CNTN4: variants seen among roughly 807,000 people sequenced by gnomAD.
CNTN4 encodes contactin-4.
CNTN4 carries 77 observed loss-of-function variants against 122.5 expected under a neutral mutation model. That is an observed-to-expected ratio of 0.63 (90% CI 0.52 to 0.76). The LOEUF is 0.76. Among genes scored for constraint, CNTN4 ranks in the 30% least tolerant of loss-of-function variants. CNTN4 has a pLI of 0.00. For synonymous variants in CNTN4, 512 were observed against 447.0 expected, an observed-to-expected ratio of 1.15 and a Z score of -1.83; for missense variants, 1,256 against 1,259.1, an observed-to-expected ratio of 1.00 and a Z score of 0.04.
intron 4 of CNTN4, among the ~76,000 whole-genome samples, chr3:2,684,474 G>C (rs2085330080): frequency 6.6e-6 from 1 of 152,100 alleles, no homozygotes; most frequent in South Asian, 2.1e-4. Flanking sequence ...CCAATGACCA[G>C]TTTTGTCTGT....
chr3:2,150,122 T>C (rs1478033882), intron 2 of CNTN4, among the ~76,000 whole-genome samples: 3 of 152,224 alleles, frequency 2.0e-5, no homozygotes, highest in Non-Finnish European at 2.9e-5. Flanking sequence ...TTCAGTAAAC[T>C]GATGTTATCC....
chr3:2,164,101 A>G (rs567772035), intron 2 of CNTN4, among the ~76,000 whole-genome samples: 30 of 152,292 alleles, frequency 2.0e-4, no homozygotes, highest in African/African-American at 6.5e-4. Flanking sequence ...GAGTGCACCA[A>G]AATCCCAGAA....
At chr3:2,485,565 G>T (rs1311449899) in intron 3 of CNTN4, among the ~76,000 whole-genome samples, 22 of 152,120 alleles carry the variant, frequency 1.4e-4, no homozygotes. Flanking sequence ...TCGGCACTCT[G>T]TGTCTAGTTC....
chr3:3,031,852 C>T (rs376149404), intron 16 of CNTN4, among the ~76,000 whole-genome samples: 10 of 152,042 alleles, frequency 6.6e-5, no homozygotes, highest in East Asian at 5.8e-4. Context: ...CATCTTTGGC[C>T]GGCTGGCAGA....
At chr3:2,238,745 T>TTTTTTTTTTTTTTTTTTTTTC (rs1553606665) in intron 2 of CNTN4, 1 of 109,152 alleles carries the variant, frequency 9.2e-6, no homozygotes, top group Non-Finnish European at 1.9e-5. Context: ...GTTTTTTTTT[T>TTTTTTTTTTTTTTTTTTTTTC]GAGACGGAGT....
intron 2 of CNTN4, chr3:2,238,799 C>A (rs2039790763): frequency 9.3e-6 from 1 of 107,974 alleles, no homozygotes; most frequent in Non-Finnish European, 2.0e-5. Flanking sequence ...GCCATCTCGG[C>A]TCACTGCAAG....
intron 2 of CNTN4, among the ~76,000 whole-genome samples, chr3:2,163,709 G>A (rs900519969): frequency 6.6e-6 from 1 of 151,610 alleles, no homozygotes; most frequent in African/African-American, 2.4e-5. Flanking sequence ...ATTCACAAAT[G>A]GAGATACACA....
chr3:2,171,731 C>T (rs766837552), intron 2 of CNTN4, among the ~76,000 whole-genome samples: 1 of 152,138 alleles, frequency 6.6e-6, no homozygotes, highest in Non-Finnish European at 1.5e-5. Context: ...ACATAGTCTC[C>T]AGTCACATCA....
chr3:2,887,314 G>C, intron 10 of CNTN4, 90 bp downstream of exon 10: 1 of 1,203,136 alleles, frequency 8.3e-7, no homozygotes, highest in Non-Finnish European at 1.2e-6. Context: ...GGCATTTTGG[G>C]AGAGATGGTG....
At chr3:2,466,353 G>A (rs565425685) in intron 3 of CNTN4, among the ~76,000 whole-genome samples, 1 of 152,146 alleles carries the variant, frequency 6.6e-6, no homozygotes, top group Non-Finnish European at 1.5e-5. Flanking sequence ...GAAACAAAAC[G>A]TAAGTGTTTG....
At chr3:2,513,856 C>T (rs1221842132) in intron 3 of CNTN4, among the ~76,000 whole-genome samples, 1 of 151,990 alleles carries the variant, frequency 6.6e-6, no homozygotes, top group African/African-American at 2.4e-5. Context: ...GCCAGATATA[C>T]CTTGTAAGAG....
chr3:2,571,480 T>G lies in CNTN4; in HGVS notation c.-24T>G. 2 of 1,595,936 alleles carry G rather than the reference T, an allele frequency of 1.3e-6. No individual in the cohort carries two copies. Among genetic ancestry groups the G allele is most frequent in the Non-Finnish European group, 1.7e-6 (2 of 1,163,520 alleles). The stretch of plus-strand genomic sequence containing the variant: ...ATTCGCTTGTTATTGGACTTGAAAC[T>G]CCCTTTGACCTCGGAAACTGAAGAT... On this transcript the variant is annotated 5_prime_UTR_variant, in exon 4 of 25. Transcript: ENST00000418658.
chr3:2,362,098 A>G (rs887643831), intron 3 of CNTN4, among the ~76,000 whole-genome samples: 32 of 152,214 alleles, frequency 2.1e-4, no homozygotes, highest in Non-Finnish European at 5.9e-5. Context: ...GTGCATTCAA[A>G]AAACTGTAAG....
At chr3:2,520,512 G>A (rs528015561) in intron 3 of CNTN4, among the ~76,000 whole-genome samples, 38 of 151,934 alleles carry the variant, frequency 2.5e-4, no homozygotes, top group Non-Finnish European at 5.2e-4. Context: ...GACCTCTGGT[G>A]ATCCACCTAC....
At chr3:2,312,193 C>G (rs1291319938) in intron 2 of CNTN4, among the ~76,000 whole-genome samples, 3 of 151,816 alleles carry the variant, frequency 2.0e-5, no homozygotes, top group Non-Finnish European at 4.4e-5. Context: ...CCTCGTGAGG[C>G]CAAACATATT....
intron 6 of CNTN4, among the ~76,000 whole-genome samples, chr3:2,810,486 A>G (rs2092578869): frequency 1.3e-5 from 2 of 152,188 alleles, no homozygotes; most frequent in Non-Finnish European, 2.9e-5. Flanking sequence ...AATAACCTCC[A>G]ATTTTGCTAA....
intron 3 of CNTN4, among the ~76,000 whole-genome samples, chr3:2,532,469 G>A (rs1459136735): frequency 6.6e-6 from 1 of 151,992 alleles, no homozygotes; most frequent in Admixed American, 6.6e-5. Flanking sequence ...CAAAATGTTT[G>A]TACTAGGAAC....
intron 6 of CNTN4, among the ~76,000 whole-genome samples, chr3:2,789,678 G>T (rs1032441058): frequency 6.6e-6 from 1 of 152,214 alleles, no homozygotes; most frequent in Non-Finnish European, 1.5e-5. Flanking sequence ...TGATCCACCT[G>T]CCTTGGCCTC....
chr3:2,403,807 C>T (rs953555078), intron 3 of CNTN4, among the ~76,000 whole-genome samples: 4 of 152,110 alleles, frequency 2.6e-5, no homozygotes, highest in African/African-American at 9.7e-5. Context: ...CAAAAGTCAC[C>T]TGGCTAGTAA....
Sources: gnomAD v4.1 joint callset for allele counts (sites outside exome capture counted in the v4.1 genomes callset) on GRCh38, gnomAD v4.1.1 for gene constraint, MANE v1.5 for transcripts, NCBI Gene and HGNC (gene_info 2026-07-23, HGNC 2026-07-21) for gene names.